PTPRG: variants seen among roughly 807,000 people sequenced by gnomAD.
PTPRG encodes receptor-type tyrosine-protein phosphatase gamma.
PTPRG carries 102 observed loss-of-function variants against 165.3 expected under a neutral mutation model. The ratio of observed to expected loss-of-function variants is 0.62; its 90% CI spans 0.53 to 0.73. The LOEUF is 0.73. Among genes scored for constraint, PTPRG ranks in the 30% least tolerant of loss-of-function variants. The probability of loss-of-function intolerance (pLI) is 0.00; values close to 1 mark genes in which losing one functional copy is unlikely to be tolerated. For missense variants in PTPRG, 1,866 were observed against 1,861.4 expected, an observed-to-expected ratio of 1.00 and a Z score of -0.05; for synonymous variants, 675 against 669.5, an observed-to-expected ratio of 1.01 and a Z score of -0.13.
At chr3:61,728,862 C>A (rs575888917) in intron 1 of PTPRG, among the ~76,000 whole-genome samples, 1 of 138,422 alleles carries the variant, frequency 7.2e-6, no homozygotes, top group South Asian at 2.3e-4. Flanking sequence ...CACAGTGAGA[C>A]CTAATCTGTA....
chr3:62,028,265 A>T (rs1559754859), intron 4 of PTPRG, among the ~76,000 whole-genome samples: 1 of 152,174 alleles, frequency 6.6e-6, no homozygotes, highest in African/African-American at 2.4e-5. Context: ...TTGTGGTGAC[A>T]TCTACATTAC....
intron 2 of PTPRG, among the ~76,000 whole-genome samples, chr3:61,799,794 CT>C (rs757055728): frequency 1.1e-4 from 16 of 152,200 alleles, no homozygotes; most frequent in Non-Finnish European, 1.8e-4. Flanking sequence ...GCAGCTCACA[CT>C]TTAGGAGGTG....
chr3:61,887,719 T>TA (rs36124010), intron 2 of PTPRG, among the ~76,000 whole-genome samples: 266 of 146,558 alleles, frequency 1.8e-3, no homozygotes, highest in Non-Finnish European at 2.7e-3. Flanking sequence ...TTCAGTAAGT[T>TA]AAAAAAAAAA....
At chr3:62,069,815 T>C (rs1231899871) in intron 4 of PTPRG, among the ~76,000 whole-genome samples, 1 of 152,190 alleles carries the variant, frequency 6.6e-6, no homozygotes, top group Non-Finnish European at 1.5e-5. Context: ...GCTGGAAACC[T>C]GAGCTCAATC....
At chr3:61,901,112 G>A (rs897660975) in intron 2 of PTPRG, among the ~76,000 whole-genome samples, 11 of 152,324 alleles carry the variant, frequency 7.2e-5, no homozygotes, top group East Asian at 1.9e-4. Flanking sequence ...ATGGACTAAC[G>A]TGGATTTCAG....
intron 6 of PTPRG, 73 bp downstream of exon 6, chr3:62,132,741 A>G (rs1576043200): frequency 7.4e-7 from 1 of 1,352,640 alleles, no homozygotes; most frequent in African/African-American, 1.4e-5. Context: ...GAATCAGGTT[A>G]TCTTGCAGAG....
At chr3:61,787,928 G>A (rs2034758440) in intron 2 of PTPRG, among the ~76,000 whole-genome samples, 1 of 152,090 alleles carries the variant, frequency 6.6e-6, no homozygotes, top group Non-Finnish European at 1.5e-5. Context: ...CGTCTCCAGT[G>A]GTGTCTTTTT....
chr3:62,046,381 T>C (rs1052296819), intron 4 of PTPRG, among the ~76,000 whole-genome samples: 5 of 152,216 alleles, frequency 3.3e-5, no homozygotes, highest in Admixed American at 1.3e-4. Context: ...CTATCTTTCA[T>C]TGACCTTTTC....
intron 2 of PTPRG, among the ~76,000 whole-genome samples, chr3:61,758,004 C>T (rs1435350021): frequency 6.6e-6 from 1 of 152,198 alleles, no homozygotes; most frequent in African/African-American, 2.4e-5. Flanking sequence ...TCTAACCTAA[C>T]AAAACGTTCT....
chr3:61,741,427 C>G (rs913733799), intron 1 of PTPRG, among the ~76,000 whole-genome samples: 9 of 152,150 alleles, frequency 5.9e-5, no homozygotes, highest in African/African-American at 2.2e-4. Context: ...ACTGGAGAAC[C>G]AGAATTTCTT....
At chr3:61,998,424 C>A (rs979825035) in intron 3 of PTPRG, among the ~76,000 whole-genome samples, 4 of 152,194 alleles carry the variant, frequency 2.6e-5, no homozygotes, top group African/African-American at 7.2e-5. Flanking sequence ...CGTCGTATAT[C>A]AGCCCTTGTG....
chr3:62,274,837 T>C (rs1192141988), intron 23 of PTPRG, among the ~76,000 whole-genome samples: 1 of 152,200 alleles, frequency 6.6e-6, no homozygotes, highest in Non-Finnish European at 1.5e-5. Flanking sequence ...TCATTTTAAA[T>C]GTTTAACATG....
chr3:61,819,051 GACTCTGTCACTATAAGGAA>G (rs1248066432), intron 2 of PTPRG, among the ~76,000 whole-genome samples: 1 of 152,098 alleles, frequency 6.6e-6, no homozygotes, highest in Non-Finnish European at 1.5e-5. Context: ...CCAGCAAAAA[GACTCTGTCACTATAAGGAA>G]AGGAAAATTG....
chr3:62,158,962 A>T (rs976735872), intron 7 of PTPRG, among the ~76,000 whole-genome samples: 6 of 152,176 alleles, frequency 3.9e-5, no homozygotes, highest in Non-Finnish European at 8.8e-5. Context: ...ATTTATATAA[A>T]CAGCGTTGGT....
chr3:62,281,588 C>G lies in PTPRG; in HGVS notation c.3791C>G (p.Pro1264Arg), dbSNP rs1487640623. The G allele has an allele frequency of 7.2e-7, 1 of 1,384,486 alleles. No homozygotes were observed. Among genetic ancestry groups the G allele is most frequent in the South Asian group, 1.2e-5 (1 of 85,830 alleles). The allele number at this position is 1,384,486 out of a possible 1,614,324, so 85.8% of individuals were successfully genotyped here. Residue 1264 changes from proline to arginine, a missense_variant, in exon 27 of 30, where the codon CCA becomes CGA. Pro to Arg is a moderately radical substitution (Grantham distance 103). Transcript: ENST00000474889. ...SLAEDEFVYW[P>R]SREESMNCEA... ...GCAGAAGATGAGTTTGTGTACTGGC[C>G]AAGTCGAGAAGAATCCATGAACTGT... is the stretch of plus-strand genomic sequence containing the variant.
At chr3:62,191,787 C>T in intron 9 of PTPRG, 134 bp downstream of exon 9, 2 of 947,932 alleles carry the variant, frequency 2.1e-6, no homozygotes, top group East Asian at 2.6e-5. Flanking sequence ...ATGGGCACTG[C>T]CATTGCTGCG....
At chr3:61,691,264 G>A (rs2030189970) in intron 1 of PTPRG, among the ~76,000 whole-genome samples, 2 of 152,066 alleles carry the variant, frequency 1.3e-5, no homozygotes, top group Non-Finnish European at 2.9e-5. Context: ...ATAATTAGCT[G>A]GGTGTGGTGG....
intron 1 of PTPRG, among the ~76,000 whole-genome samples, chr3:61,645,289 C>T (rs1304760987): frequency 6.6e-6 from 1 of 152,168 alleles, no homozygotes; most frequent in Admixed American, 6.5e-5. Flanking sequence ...TTGTCCACAC[C>T]CCGCATTCCT....
intron 2 of PTPRG, among the ~76,000 whole-genome samples, chr3:61,981,542 T>C (rs1416972327): frequency 1.3e-5 from 2 of 152,200 alleles, no homozygotes; most frequent in Non-Finnish European, 2.9e-5. Context: ...TAATCATGTT[T>C]AGTGAGTACT....
Sources: allele counts gnomAD v4.1 joint callset (sites outside exome capture counted in the v4.1 genomes callset), GRCh38; gene constraint gnomAD v4.1.1; transcripts MANE v1.5; gene names NCBI Gene and HGNC (gene_info 2026-07-23, HGNC 2026-07-21).